DYNC1I1: variants seen among roughly 807,000 people sequenced by gnomAD.
DYNC1I1 encodes cytoplasmic dynein 1 intermediate chain 1.
Under a neutral mutation model 86.6 loss-of-function variants are expected in DYNC1I1, and 43 were observed. The observed-to-expected ratio is 0.50, with a 90% CI of 0.39 to 0.64. The LOEUF is 0.64. DYNC1I1 is among the 30% of genes least tolerant of loss of function. The probability of loss-of-function intolerance (pLI) is 0.00; values close to 1 mark genes in which losing one functional copy is unlikely to be tolerated. For missense variants in DYNC1I1, 604 were observed against 788.8 expected, an observed-to-expected ratio of 0.77 and a Z score of 2.81; for synonymous variants, 262 against 283.7, an observed-to-expected ratio of 0.92 and a Z score of 0.77.
At chr7:95,834,836 A>G (rs2115969341) in intron 5 of DYNC1I1, among the ~76,000 whole-genome samples, 1 of 147,286 alleles carries the variant, frequency 6.8e-6, no homozygotes, top group South Asian at 2.2e-4. Flanking sequence ...ATCATTTTTT[A>G]TTGTGTCTAT....
At chr7:95,809,489 A>G (rs1432234389) in intron 2 of DYNC1I1, among the ~76,000 whole-genome samples, 1 of 152,184 alleles carries the variant, frequency 6.6e-6, no homozygotes, top group African/African-American at 2.4e-5. Flanking sequence ...CATCAACGTG[A>G]TGTTATCATG....
intron 6 of DYNC1I1, among the ~76,000 whole-genome samples, chr7:95,970,132 A>G (rs1793127885): frequency 6.6e-6 from 1 of 152,182 alleles, no homozygotes. Context: ...GTCCAAGGAT[A>G]GGGTGGCTTG....
intron 6 of DYNC1I1, among the ~76,000 whole-genome samples, chr7:95,947,971 T>TAAAG (rs1191103553): frequency 6.7e-6 from 1 of 149,162 alleles, no homozygotes. Flanking sequence ...ACCAGGTCTT[T>TAAAG]GTATGTGGCT....
At chr7:96,051,949 T>C (rs1584280333) in intron 14 of DYNC1I1, among the ~76,000 whole-genome samples, 1 of 152,310 alleles carries the variant, frequency 6.6e-6, no homozygotes, top group East Asian at 1.9e-4. Context: ...TTATAAATAA[T>C]ACAATGATTA....
At position 96,028,264 on chromosome 7, in the gene DYNC1I1, T is replaced by G; in HGVS notation, c.1059T>G (p.Asn353Lys). The G allele has an allele frequency of 1.2e-6, 2 of 1,613,810 alleles. No homozygotes were observed. The highest frequency in any genetic ancestry group is 1.7e-6 in the Non-Finnish European group (2 of 1,179,824). Residue 353 changes from asparagine to lysine, a missense_variant, in exon 11 of 17, where the codon AAT (asparagine) becomes AAG (lysine). Physicochemically the swap from Asn to Lys is moderately conservative, Grantham distance 94. Transcript: ENST00000447467. ...TYSGQIVLWD[N>K]RSHRRTPVQR... The stretch of plus-strand genomic sequence containing the variant: ...CGGGCCAGATTGTCCTCTGGGACAA[T>G]CGCAGTCATCGAAGGACTCCAGTGC...
intron 9 of DYNC1I1, 141 bp downstream of exon 9, chr7:95,987,296 A>G (rs1793621034): frequency 1.4e-6 from 1 of 717,672 alleles, no homozygotes; most frequent in Non-Finnish European, 2.4e-6. Context: ...TTGAGGTTTC[A>G]GTTTCAATTC....
intron 5 of DYNC1I1, among the ~76,000 whole-genome samples, chr7:95,837,223 T>C (rs1212127380): frequency 6.6e-6 from 1 of 151,642 alleles, no homozygotes; most frequent in African/African-American, 2.4e-5. Flanking sequence ...TGGAGTACCC[T>C]GCCATGTGAG....
intron 1 of DYNC1I1, among the ~76,000 whole-genome samples, chr7:95,792,271 T>C (rs1794323612): frequency 6.6e-6 from 1 of 152,160 alleles, no homozygotes; most frequent in African/African-American, 2.4e-5. Context: ...TGATCCAGTC[T>C]TGTGCTGGGA....
chr7:95,972,669 A>G (rs1270713098), intron 6 of DYNC1I1, among the ~76,000 whole-genome samples: 5 of 152,176 alleles, frequency 3.3e-5, no homozygotes, highest in Non-Finnish European at 7.3e-5. Flanking sequence ...TATCAAAACA[A>G]GTCAGCGAGC....
chr7:96,081,602 G>A (rs1790521793), intron 16 of DYNC1I1, among the ~76,000 whole-genome samples: 1 of 152,060 alleles, frequency 6.6e-6, no homozygotes, highest in Non-Finnish European at 1.5e-5. Context: ...TGCATTCCAG[G>A]GGGAAAATAT....
chr7:95,779,552 C>T (rs1307952218), intron 1 of DYNC1I1, among the ~76,000 whole-genome samples: 2 of 152,176 alleles, frequency 1.3e-5, no homozygotes, highest in Non-Finnish European at 2.9e-5. Flanking sequence ...TTCCTTTGAA[C>T]CAAAGGTATG....
intron 12 of DYNC1I1, 75 bp from the exon 13 acceptor site, chr7:96,035,544 A>G: frequency 6.7e-7 from 1 of 1,493,158 alleles, no homozygotes; most frequent in Non-Finnish European, 8.9e-7. Context: ...GATTTAGCCA[A>G]ATGATTTTTC....
chr7:95,957,164 G>A (rs1453605430), intron 6 of DYNC1I1, among the ~76,000 whole-genome samples: 2 of 152,124 alleles, frequency 1.3e-5, no homozygotes, highest in Non-Finnish European at 2.9e-5. Context: ...TATGAAATGA[G>A]GCTAAAATAT....
chr7:95,830,745 A>G (rs528698176), intron 5 of DYNC1I1, among the ~76,000 whole-genome samples: 1 of 152,298 alleles, frequency 6.6e-6, no homozygotes, highest in South Asian at 2.1e-4. Context: ...GTTGAATCAT[A>G]TAGTAGATAC....
intron 6 of DYNC1I1, among the ~76,000 whole-genome samples, chr7:95,918,736 C>G (rs1260484579): frequency 2.0e-5 from 3 of 152,168 alleles, no homozygotes; most frequent in Non-Finnish European, 4.4e-5. Context: ...TTATAGAGAG[C>G]TGAGTTTTCT....
chr7:96,059,246 T>C (rs966105376), intron 14 of DYNC1I1, among the ~76,000 whole-genome samples: 4 of 152,038 alleles, frequency 2.6e-5, no homozygotes, highest in Non-Finnish European at 4.4e-5. Context: ...ATCACAGCCT[T>C]CTGGCACTTA....
intron 16 of DYNC1I1, among the ~76,000 whole-genome samples, chr7:96,080,724 A>G (rs1790490730): frequency 6.6e-6 from 1 of 152,128 alleles, no homozygotes; most frequent in Non-Finnish European, 1.5e-5. Flanking sequence ...GTCCTGTAGA[A>G]TGTCCCATCA....
At chr7:96,001,192 T>G (rs73397077) in intron 10 of DYNC1I1, among the ~76,000 whole-genome samples, 3,222 of 152,252 alleles carry the variant, frequency 0.021, 101 homozygotes, top group African/African-American at 0.073. Flanking sequence ...TTCTCCACTG[T>G]GCTTCATTCA....
At chr7:96,056,587 A>T (rs1487812264) in intron 14 of DYNC1I1, among the ~76,000 whole-genome samples, 1 of 152,144 alleles carries the variant, frequency 6.6e-6, no homozygotes, top group Non-Finnish European at 1.5e-5. Flanking sequence ...ACTTTTCATT[A>T]TGCCATTTCC....
Sources: gnomAD v4.1 joint callset for allele counts (sites outside exome capture counted in the v4.1 genomes callset) on GRCh38, gnomAD v4.1.1 for gene constraint, MANE v1.5 for transcripts, NCBI Gene and HGNC (gene_info 2026-07-23, HGNC 2026-07-21) for gene names.